Variants in SLC9A7 observed in about 807,000 individuals in gnomAD.
SLC9A7 encodes the protein sodium/hydrogen exchanger 7.
Under a neutral mutation model 52.6 loss-of-function variants are expected in SLC9A7, and 19 were observed. The observed-to-expected ratio is 0.36, with a 90% CI of 0.25 to 0.53. The LOEUF (loss-of-function observed/expected upper bound fraction) is 0.53. Ranked by LOEUF, SLC9A7 falls within the 20% of genes least tolerant of loss-of-function variation. The pLI, the probability that SLC9A7 is intolerant of heterozygous loss-of-function variation, is 0.91. For missense variants in SLC9A7, 455 were observed against 597.9 expected (o/e 0.76, Z 2.49); for synonymous variants, 226 against 252.1 (o/e 0.90, Z 0.98).
intron 1 of SLC9A7, among the ~76,000 whole-genome samples, chrX:46,698,306 C>A (rs896401613): frequency 1.8e-5 from 2 of 111,126 alleles, no homozygotes; most frequent in African/African-American, 6.6e-5. Flanking sequence ...CGGAACCTAC[C>A]GACACGTGAT....
intron 12 of SLC9A7, among the ~76,000 whole-genome samples, chrX:46,637,769 A>T (rs1436064629): frequency 8.9e-6 from 1 of 112,819 alleles, no homozygotes; most frequent in Non-Finnish European, 1.9e-5. Flanking sequence ...CAAGAGACTG[A>T]GAAAAATATT....
intron 1 of SLC9A7, among the ~76,000 whole-genome samples, chrX:46,706,086 T>C (rs1336941993): frequency 9.2e-6 from 1 of 108,745 alleles, no homozygotes; most frequent in Non-Finnish European, 1.9e-5. Context: ...GCGAACTCAC[T>C]GGATATTTGA....
At chrX:46,719,912 A>G (rs1170896925) in intron 1 of SLC9A7, among the ~76,000 whole-genome samples, 1 of 111,940 alleles carries the variant, frequency 8.9e-6, no homozygotes, top group Non-Finnish European at 1.9e-5. Flanking sequence ...AACATGGTCT[A>G]ATCTGTCATT....
Position 46,607,117 on chromosome X carries a change from A to G in SLC9A7, c.2016T>C (p.Thr672=). ...LTLTYGDSTV[T]ANGSSSSHTA... ...TGTGCGAACTTGAGGAGCCATTTGC[A>G]GTCACTGTGCTGTCCCCGTAGGTCA... Residue 672 remains threonine (T), a synonymous_variant, in exon 17 of 17, where the codon ACT becomes ACC. Transcript: ENST00000616978. 8.3e-7 allele frequency: 1 copy of G among 1,211,375 alleles called. No individual in the cohort carries two copies. The highest frequency in any genetic ancestry group is 1.8e-5 in the South Asian group (1 of 56,879).
intron 1 of SLC9A7, among the ~76,000 whole-genome samples, chrX:46,718,098 G>T (rs1252040091): frequency 9.0e-6 from 1 of 111,427 alleles, no homozygotes; most frequent in Admixed American, 9.6e-5. Context: ...CCAAAACAGA[G>T]ATAAAGACCA....
intron 1 of SLC9A7, among the ~76,000 whole-genome samples, chrX:46,695,971 T>TTTTA (rs1172395436): frequency 1.1e-5 from 1 of 92,228 alleles, no homozygotes; most frequent in South Asian, 5.4e-4. Context: ...AACTTTATAT[T>TTTTA]TTTACTTATT....
At chrX:46,711,482 C>A (rs1319596856) in intron 1 of SLC9A7, among the ~76,000 whole-genome samples, 2 of 111,615 alleles carry the variant, frequency 1.8e-5, no homozygotes, top group African/African-American at 6.5e-5. Flanking sequence ...GTATTTCCTC[C>A]TTCCCTGGTC....
intron 5 of SLC9A7, among the ~76,000 whole-genome samples, chrX:46,665,056 C>T (rs889105427): frequency 3.6e-5 from 4 of 111,002 alleles, no homozygotes; most frequent in Admixed American, 9.7e-5. Context: ...TGCCTGACCA[C>T]GGGGGTGGGA....
chrX:46,740,068 G>A (rs1295218124), intron 1 of SLC9A7, among the ~76,000 whole-genome samples: 1 of 111,663 alleles, frequency 9.0e-6, no homozygotes, highest in Non-Finnish European at 1.9e-5. Flanking sequence ...TGTTTTAAAT[G>A]TGTATTTAAA....
At chrX:46,658,188 C>A (rs1339786329) in intron 7 of SLC9A7, among the ~76,000 whole-genome samples, 1 of 104,567 alleles carries the variant, frequency 9.6e-6, no homozygotes, top group African/African-American at 3.5e-5. Flanking sequence ...AACAAAGACA[C>A]AACATACCAG....
intron 12 of SLC9A7, among the ~76,000 whole-genome samples, chrX:46,639,198 G>T (rs777824640): frequency 2.7e-5 from 3 of 110,214 alleles, no homozygotes; most frequent in Non-Finnish European, 3.8e-5. Flanking sequence ...CAATAGGTAG[G>T]AACTTCCTCA....
Position 46,613,384 on chromosome X carries a change from G to A in SLC9A7, c.1834C>T (p.Pro612Ser). The A allele has an allele frequency of 8.5e-7, 1 of 1,179,668 alleles. No homozygotes were observed. The highest frequency in any genetic ancestry group is 1.1e-6 in the Non-Finnish European group (1 of 873,445). Residue 612 changes from proline to serine, a missense_variant, in exon 16 of 17, where the codon CCC becomes TCC. Transcript: ENST00000616978. ...WYSFDHNYLKPILTHSGPPLT... is the reference protein window; with the variant it reads ...WYSFDHNYLKSILTHSGPPLT... Reference sequence around the variant, plus strand: ...GGGGGACCACTGTGTGTGAGGATGGGCTTCAGGTAACTTTAAAATGTGAAT... The same window carrying A: ...GGGGGACCACTGTGTGTGAGGATGGACTTCAGGTAACTTTAAAATGTGAAT...
intron 1 of SLC9A7, among the ~76,000 whole-genome samples, chrX:46,691,365 T>C (rs997867632): frequency 8.9e-6 from 1 of 112,392 alleles, no homozygotes; most frequent in Admixed American, 9.4e-5. Context: ...TATTTGTTGC[T>C]ATTTACCAAC....
chrX:46,729,760 G>A (rs1453926066), intron 1 of SLC9A7, among the ~76,000 whole-genome samples: 1 of 110,702 alleles, frequency 9.0e-6, no homozygotes, highest in Non-Finnish European at 1.9e-5. Context: ...GAGACAGAGC[G>A]AGACTCCATC....
At chrX:46,656,643 G>A (rs1353326801) in intron 7 of SLC9A7, among the ~76,000 whole-genome samples, 12 of 111,886 alleles carry the variant, frequency 1.1e-4, no homozygotes, top group African/African-American at 3.6e-4. Flanking sequence ...TGAAATGAAT[G>A]AAATGAAGCG....
At chrX:46,636,246 A>G (rs1943317409) in intron 12 of SLC9A7, among the ~76,000 whole-genome samples, 1 of 111,325 alleles carries the variant, frequency 9.0e-6, no homozygotes, top group Admixed American at 9.5e-5. Flanking sequence ...GACATGGTCC[A>G]CCTTCACCTT....
intron 5 of SLC9A7, 54 bp downstream of exon 5, chrX:46,669,553 G>T: frequency 4.5e-6 from 3 of 661,983 alleles, no homozygotes; most frequent in Non-Finnish European, 6.7e-6. Context: ...AACTTTTAAA[G>T]ATTTAAATAA....
chrX:46,692,872 A>C (rs1236642163), intron 1 of SLC9A7, among the ~76,000 whole-genome samples: 1 of 110,737 alleles, frequency 9.0e-6, no homozygotes. Flanking sequence ...ACAGAGTCAA[A>C]GTTTGTCTCC....
rs1349006423 is a variant in SLC9A7 at position 46,599,854 on chromosome X, T to TA, written c.*7097dup. On this transcript the variant is annotated 3_prime_UTR_variant, in exon 17 of 17. Transcript: ENST00000616978. ...CCAATTACACTATGTAAGCTCTCTATAAAAAGTTCCCTAGAAGGTCACATC... is the reference window on the plus strand; with the variant it reads ...CCAATTACACTATGTAAGCTCTCTATAAAAAAGTTCCCTAGAAGGTCACATC... 8.9e-6 allele frequency: 1 copy of TA among 112,396 alleles called. No homozygotes were observed. Among genetic ancestry groups the TA allele is most frequent in the Non-Finnish European group, 1.9e-5 (1 of 53,284 alleles). The allele number at this position is 112,396 out of a possible 1,213,427, so 9.3% of individuals were successfully genotyped here. A position where few individuals can be genotyped will look rare whatever the true frequency, so the allele number is the denominator to read the frequency against.
Sources: allele counts gnomAD v4.1 joint callset (sites outside exome capture counted in the v4.1 genomes callset), GRCh38; gene constraint gnomAD v4.1.1; transcripts MANE v1.5; gene names NCBI Gene and HGNC (gene_info 2026-07-23, HGNC 2026-07-21).